Variants in ENAM observed in about 807,000 individuals in gnomAD.
The protein encoded by ENAM is enamelin, also known as amelogenesis imperfecta 2, hypocalcification (autosomal dominant).
A neutral mutation model predicts 33.6 loss-of-function variants in ENAM; 21 were observed. The ratio of observed to expected loss-of-function variants is 0.63; its 90% CI spans 0.44 to 0.90. The LOEUF (loss-of-function observed/expected upper bound fraction) is 0.90. ENAM is among the 40% of genes least tolerant of loss of function. The pLI, the probability that ENAM is intolerant of heterozygous loss-of-function variation, is 0.00. For missense variants in ENAM, 1,388 were observed against 1,366.9 expected (o/e 1.02, Z -0.24); for synonymous variants, 473 against 468.4 (o/e 1.01, Z -0.13).
chr4:70,632,851 C>T (rs1577968501), intron 5 of ENAM, among the ~76,000 whole-genome samples, 159 bp downstream of exon 5: 1 of 152,128 alleles, frequency 6.6e-6, no homozygotes, highest in East Asian at 1.9e-4. Context: ...CCCCTATCCT[C>T]TCACACCAAA....
chr4:70,645,135 G>T lies in ENAM; in HGVS notation c.*280G>T. The T allele has an allele frequency of 1.8e-6, 1 of 555,260 alleles. No homozygotes were observed. The highest frequency in any genetic ancestry group is 3.2e-6 in the Non-Finnish European group (1 of 312,282). The allele number at this position is 555,260 out of a possible 1,614,324, so 34.4% of individuals were successfully genotyped here. On this transcript the variant is annotated 3_prime_UTR_variant, in exon 9 of 9. Transcript: ENST00000396073. ...CGAAACTTGCAAGTCACTTGTCTGA[G>T]TTAGTTTCCTTTTGCTTGATGACTT...
intron 2 of ENAM, among the ~76,000 whole-genome samples, chr4:70,630,377 A>C (rs1215606204): frequency 1.3e-5 from 2 of 152,192 alleles, no homozygotes; most frequent in East Asian, 3.8e-4. Flanking sequence ...AAAACAACTG[A>C]GTGTCTACAT....
intron 7 of ENAM, 113 bp from the exon 8 acceptor site, chr4:70,637,676 CT>C (rs1738487627): frequency 2.5e-6 from 2 of 815,740 alleles, no homozygotes; most frequent in Admixed American, 1.7e-5. Context: ...GCTCAGAGTA[CT>C]AACTGAGCTC....
At chr4:70,637,246 C>A (rs1738474260) in intron 7 of ENAM, among the ~76,000 whole-genome samples, 2 of 152,170 alleles carry the variant, frequency 1.3e-5, no homozygotes, top group South Asian at 4.1e-4. Flanking sequence ...ACTCGGCCTC[C>A]AAGTTTGATT....
At chr4:70,639,168 G>A (rs1202378790) in intron 8 of ENAM, among the ~76,000 whole-genome samples, 3 of 152,140 alleles carry the variant, frequency 2.0e-5, no homozygotes, top group African/African-American at 7.2e-5. Flanking sequence ...AATATATCAT[G>A]AAATAACCCC....
Position 70,642,992 on chromosome 4 carries a change from A to G in ENAM, c.1566A>G (p.Leu522=). 3 of 1,614,182 alleles carry G rather than the reference A, an allele frequency of 1.9e-6. No homozygotes were observed. Among genetic ancestry groups the G allele is most frequent in the Non-Finnish European group, 2.5e-6 (3 of 1,180,026 alleles). ...QSQNLPKGIV[L]GSRRMPYESE... ...AGAATTTGCCCAAAGGGATTGTTTT[A>G]GGGTCAAGAAGGATGCCATATGAAT... Residue 522 remains leucine (L), a synonymous_variant, in exon 9 of 9, where the codon TTA becomes TTG. Transcript: ENST00000396073.
At chr4:70,632,622 A>AT in intron 4 of ENAM, 29 bp from the exon 5 acceptor site, 2 of 1,518,280 alleles carry the variant, frequency 1.3e-6, no homozygotes, top group Non-Finnish European at 1.8e-6. Context: ...TTCACTTTGT[A>AT]TCACATTAAT....
chr4:70,632,832 A>G (rs761848351), intron 5 of ENAM, 140 bp downstream of exon 5: 359 of 717,400 alleles, frequency 5.0e-4, no homozygotes, highest in South Asian at 2.3e-3. Flanking sequence ...CAAGGTGGAA[A>G]AATTATTGCC....
At chr4:70,635,782 TA>T (rs773454150) in intron 6 of ENAM, 49 bp from the exon 7 acceptor site, 1 of 1,157,954 alleles carries the variant, frequency 8.6e-7, no homozygotes, top group South Asian at 1.3e-5. Flanking sequence ...TTCATTTTTT[TA>T]TGTATTCTTT....
chr4:70,634,204 A>T, intron 5 of ENAM, 104 bp from the exon 6 acceptor site: 1 of 1,107,050 alleles, frequency 9.0e-7, no homozygotes, highest in South Asian at 1.2e-5. Flanking sequence ...AAGTTCCAGG[A>T]CTTTTAAGCT....
Position 70,637,788 on chromosome 4 carries a change from A to T in ENAM, c.535-2A>T. The T allele has an allele frequency of 1.9e-6, 3 of 1,613,284 alleles. No homozygotes were observed. Among genetic ancestry groups the T allele is most frequent in the Non-Finnish European group, 2.5e-6 (3 of 1,179,242 alleles). ...GTGTTCACTGTGTTTTTCACTTCTCAGAGGTTACCACCACCAGGTTATGGA... is the reference window on the plus strand; with the variant it reads ...GTGTTCACTGTGTTTTTCACTTCTCTGAGGTTACCACCACCAGGTTATGGA... On this transcript the variant is annotated splice_acceptor_variant, in intron 7 of 8. Transcript: ENST00000396073. LOFTEE classifies it high-confidence loss of function.
At chr4:70,640,381 G>A (rs1343838755) in intron 8 of ENAM, among the ~76,000 whole-genome samples, 1 of 152,160 alleles carries the variant, frequency 6.6e-6, no homozygotes, top group Admixed American at 6.5e-5. Flanking sequence ...AGTCAAATTT[G>A]CCAGGAGGAA....
intron 1 of ENAM, 142 bp downstream of exon 1, chr4:70,629,106 C>T (rs566616822): frequency 2.9e-4 from 62 of 210,220 alleles, no homozygotes; most frequent in African/African-American, 1.3e-3. Context: ...TCTGATAAAA[C>T]TTTAAACTCC....
chr4:70,637,717 C>A, intron 7 of ENAM, 73 bp from the exon 8 acceptor site: 1 of 1,139,922 alleles, frequency 8.8e-7, no homozygotes, highest in Non-Finnish European at 1.3e-6. Context: ...TTTTAGACAC[C>A]CTGAGTCTTA....
At chr4:70,639,317 G>C (rs370237402) in intron 8 of ENAM, among the ~76,000 whole-genome samples, 1 of 152,082 alleles carries the variant, frequency 6.6e-6, no homozygotes, top group Non-Finnish European at 1.5e-5. Context: ...GGCCAGGCAC[G>C]GGTGGCTCAC....
At chr4:70,639,311 A>G (rs72859657) in intron 8 of ENAM, among the ~76,000 whole-genome samples, 13,937 of 152,134 alleles carry the variant, frequency 0.092, 2,013 homozygotes, top group African/African-American at 0.31. Context: ...TATTTAGGCC[A>G]GGCACGGGTG....
rs1428906784 is a variant in ENAM, at chr4:70,642,874, C to A, written c.1448C>A (p.Pro483Gln). Reference protein sequence around the residue: ...LPHSEGYMPVPNFNSVDQHEN... With the variant: ...LPHSEGYMPVQNFNSVDQHEN... Reference sequence around the variant, plus strand: ...CACTCTGAGGGTTATATGCCAGTCCCAAATTTTAATTCTGTTGATCAACAT... The same window carrying A: ...CACTCTGAGGGTTATATGCCAGTCCAAAATTTTAATTCTGTTGATCAACAT... Residue 483 changes from proline (P) to glutamine (Q), a missense_variant, in exon 9 of 9, where the codon CCA becomes CAA. Transcript: ENST00000396073. 1.2e-6 allele frequency: 2 copies of A among 1,614,058 alleles called. No homozygotes were observed. The highest frequency in any genetic ancestry group is 8.5e-7 in the Non-Finnish European group (1 of 1,180,020).
intron 8 of ENAM, among the ~76,000 whole-genome samples, chr4:70,641,339 T>C (rs1738591843): frequency 6.6e-6 from 1 of 151,858 alleles, no homozygotes; most frequent in African/African-American, 2.4e-5. Flanking sequence ...GCTGATGCAA[T>C]AGAATTCTTT....
rs1738354302 is a variant in ENAM, at chr4:70,632,651, A to T, written c.169A>T (p.Met57Leu). 1.9e-6 allele frequency: 3 copies of T among 1,597,380 alleles called. No homozygotes were observed. In the African/African-American group the frequency reaches 4.0e-5, roughly 21 times the overall value. Residue 57 changes from methionine (M) to leucine (L), a missense_variant and splice_region_variant, in exon 5 of 9, where the codon ATG becomes TTG. Met to Leu is a conservative substitution (Grantham distance 15). Transcript: ENST00000396073. Reference protein sequence around the residue: ...MPGFSSKSEEMMRYNQFNFMN... With the variant: ...MPGFSSKSEELMRYNQFNFMN... ...CATTAATGGATTCCTTTGGTTGCAG[A>T]TGATGCGGTATAATCAATTCAACTT...
Sources: gnomAD v4.1 joint callset for allele counts (sites outside exome capture counted in the v4.1 genomes callset) on GRCh38, gnomAD v4.1.1 for gene constraint, MANE v1.5 for transcripts, NCBI Gene and HGNC (gene_info 2026-07-23, HGNC 2026-07-21) for gene names.